Variants in PCDHA12 observed in about 807,000 individuals in gnomAD.
PCDHA12 encodes the protein protocadherin alpha 12.
In PCDHA12, 44 loss-of-function variants were observed where a neutral mutation model predicts 60.0. The ratio of observed to expected loss-of-function variants is 0.73; its 90% CI spans 0.58 to 0.94. The LOEUF is 0.94. PCDHA12 is among the 40% of genes least tolerant of loss of function. The pLI is 0.00. For synonymous variants in PCDHA12, 569 were observed against 553.0 expected, an observed-to-expected ratio of 1.03 and a Z score of -0.40; for missense variants, 1,276 against 1,239.7, an observed-to-expected ratio of 1.03 and a Z score of -0.44.
At chr5:140,989,810 AT>A (rs2097361628) in intron 3 of PCDHA12, among the ~76,000 whole-genome samples, 1 of 152,192 alleles carries the variant, frequency 6.6e-6, no homozygotes, top group Non-Finnish European at 1.5e-5. Context: ...GGGCCATAAG[AT>A]TGGTCACTGC....
chr5:140,992,418 A>G (rs2097510878), intron 3 of PCDHA12, among the ~76,000 whole-genome samples: 1 of 152,164 alleles, frequency 6.6e-6, no homozygotes, highest in South Asian at 2.1e-4. Flanking sequence ...CCCCAGGTCT[A>G]AGAATATTGT....
intron 1 of PCDHA12, among the ~76,000 whole-genome samples, chr5:140,957,708 T>TA (rs1330263414): frequency 6.6e-6 from 1 of 152,124 alleles, no homozygotes; most frequent in Non-Finnish European, 1.5e-5. Context: ...ATGTAGTTTT[T>TA]ATTAAGAAAG....
At chr5:140,938,174 G>A (rs1394846002) in intron 1 of PCDHA12, among the ~76,000 whole-genome samples, 3 of 152,200 alleles carry the variant, frequency 2.0e-5, no homozygotes, top group Admixed American at 6.5e-5. Context: ...TGGAGCTCCT[G>A]GGCTCAAGCA....
At chr5:140,971,369 T>C (rs1384716266) in intron 1 of PCDHA12, among the ~76,000 whole-genome samples, 1 of 152,094 alleles carries the variant, frequency 6.6e-6, no homozygotes, top group Non-Finnish European at 1.5e-5. Context: ...GCCAGGAGAG[T>C]GCATGACTTT....
At chr5:140,923,185 A>G (rs536691139) in intron 1 of PCDHA12, among the ~76,000 whole-genome samples, 1 of 152,324 alleles carries the variant, frequency 6.6e-6, no homozygotes, top group East Asian at 1.9e-4. Flanking sequence ...AGATGCATCT[A>G]CTGCAGCAAT....
intron 1 of PCDHA12, chr5:140,968,964 G>A (rs782792392): frequency 7.4e-6 from 12 of 1,614,136 alleles, no homozygotes; most frequent in East Asian, 4.5e-5. Context: ...AAGTGCTACC[G>A]CTACACTGCG....
intron 1 of PCDHA12, among the ~76,000 whole-genome samples, chr5:140,908,155 G>T (rs559304647): frequency 2.0e-5 from 3 of 152,194 alleles, no homozygotes; most frequent in African/African-American, 4.8e-5. Flanking sequence ...TCCTAGGAAG[G>T]GGCTGTAGTG....
At chr5:140,926,986 C>T (rs782199565) in intron 1 of PCDHA12, 1 of 1,610,712 alleles carries the variant, frequency 6.2e-7, no homozygotes, top group Non-Finnish European at 8.5e-7. Flanking sequence ...GGAGACGGAG[C>T]GGGGCGTAGC....
At chr5:140,885,045 G>T (rs528565062) in intron 1 of PCDHA12, among the ~76,000 whole-genome samples, 3 of 152,238 alleles carry the variant, frequency 2.0e-5, no homozygotes, top group Admixed American at 1.3e-4. Context: ...TTAGTTTAAT[G>T]TATACATATA....
chr5:140,915,626 GTCTC>G (rs57920489), intron 1 of PCDHA12, among the ~76,000 whole-genome samples: 182 of 146,478 alleles, frequency 1.2e-3, no homozygotes, highest in East Asian at 9.3e-3. Flanking sequence ...GTCTCTTTCT[GTCTC>G]TCTCTCTCTC....
intron 1 of PCDHA12, among the ~76,000 whole-genome samples, chr5:140,881,723 A>G (rs2058808704): frequency 6.6e-6 from 1 of 152,172 alleles, no homozygotes; most frequent in South Asian, 2.1e-4. Flanking sequence ...GGAGGTCTTG[A>G]AAAATATTAC....
intron 3 of PCDHA12, among the ~76,000 whole-genome samples, chr5:140,994,538 A>G (rs1554254218): frequency 1.8e-5 from 2 of 111,930 alleles, no homozygotes; most frequent in African/African-American, 9.1e-5. Context: ...CCCCATCTCT[A>G]CAAAAAAAAT....
rs578208339 is a variant in PCDHA12 at position 141,001,194 on chromosome 5, C to G, written c.2516-8433C>G. Among the ~76,000 whole-genome samples the G allele has an allele frequency of 1.1e-4, 17 of 152,218 alleles. 1 individual carries two copies. In the South Asian group the frequency reaches 3.3e-3, roughly 30 times the overall value. On this transcript the variant is annotated intron_variant, in intron 3 of 3. Coordinates refer to ENST00000398631, the MANE Select transcript of PCDHA12 (RefSeq NM_018903.4). ...ACGAGTTTTTACTTTGCACCATGCA[C>G]TTATGCTATGTGCTGTATAAGGATA...
intron 1 of PCDHA12, chr5:140,968,895 T>G: frequency 6.2e-7 from 1 of 1,614,218 alleles, no homozygotes; most frequent in Non-Finnish European, 8.5e-7. Context: ...TATCTAATAA[T>G]AGCATTAAGC....
intron 1 of PCDHA12, among the ~76,000 whole-genome samples, chr5:140,900,028 T>C (rs1554188848): frequency 1.3e-5 from 2 of 152,132 alleles, no homozygotes; most frequent in Admixed American, 1.3e-4. Flanking sequence ...CAGTTTGGCC[T>C]TGAATTCCTG....
chr5:140,997,817 A>G (rs570760153), intron 3 of PCDHA12, among the ~76,000 whole-genome samples: 2 of 152,306 alleles, frequency 1.3e-5, no homozygotes, highest in South Asian at 4.1e-4. Flanking sequence ...GTTGGTATCT[A>G]TGTTTTCTAA....
chr5:140,918,833 G>A (rs2078883719), intron 1 of PCDHA12, among the ~76,000 whole-genome samples: 1 of 152,084 alleles, frequency 6.6e-6, no homozygotes, highest in African/African-American at 2.4e-5. Context: ...CCCCTCCCCA[G>A]ACACTAAATC....
chr5:140,955,701 A>G (rs1381358710), intron 1 of PCDHA12, among the ~76,000 whole-genome samples: 1 of 152,150 alleles, frequency 6.6e-6, no homozygotes, highest in Non-Finnish European at 1.5e-5. Context: ...ATGTCAATGG[A>G]AGTTTAATAG....
At chr5:140,979,244 T>C (rs1214932523) in intron 2 of PCDHA12, among the ~76,000 whole-genome samples, 1 of 152,224 alleles carries the variant, frequency 6.6e-6, no homozygotes, top group African/African-American at 2.4e-5. Context: ...AGAAACAGGC[T>C]GCTATGTATT....
Sources: gnomAD v4.1 joint callset for allele counts (sites outside exome capture counted in the v4.1 genomes callset) on GRCh38, gnomAD v4.1.1 for gene constraint, MANE v1.5 for transcripts, NCBI Gene and HGNC (gene_info 2026-07-23, HGNC 2026-07-21) for gene names.